The following MAPK6 variants were observed in gnomAD, a reference collection of about 807,000 sequenced individuals.
The protein encoded by MAPK6 is ERK-3.
MAPK6 carries 19 observed loss-of-function variants against 59.3 expected under a neutral mutation model. The ratio of observed to expected loss-of-function variants is 0.32; its 90% CI spans 0.22 to 0.47. The LOEUF (loss-of-function observed/expected upper bound fraction) is 0.47. Ranked by LOEUF, MAPK6 falls within the 20% of genes least tolerant of loss-of-function variation. The pLI, the probability that MAPK6 is intolerant of heterozygous loss-of-function variation, is 1.00. For synonymous variants in MAPK6, 316 were observed against 290.3 expected (o/e 1.09, Z -0.90); for missense variants, 724 against 847.9 (o/e 0.85, Z 1.81).
intron 3 of MAPK6, among the ~76,000 whole-genome samples, chr15:52,013,932 CAA>C (rs1302402496): frequency 6.6e-6 from 1 of 152,026 alleles, no homozygotes; most frequent in Non-Finnish European, 1.5e-5. Flanking sequence ...GTGTAAAATC[CAA>C]AAGTTTTGGC....
At chr15:52,005,136 A>G (rs896258354) in intron 3 of MAPK6, among the ~76,000 whole-genome samples, 2 of 152,052 alleles carry the variant, frequency 1.3e-5, no homozygotes, top group African/African-American at 4.8e-5. Flanking sequence ...AACAAACAAA[A>G]CCCCCCAAAT....
chr15:52,061,211 A>T, intron 4 of MAPK6, 88 bp from the exon 5 acceptor site: 1 of 949,204 alleles, frequency 1.1e-6, no homozygotes, highest in Non-Finnish European at 1.7e-6. Context: ...TCACTTAGCT[A>T]GTCATTGAAA....
At chr15:52,022,074 G>A (rs570804089) in intron 1 of MAPK6, among the ~76,000 whole-genome samples, 6 of 152,078 alleles carry the variant, frequency 3.9e-5, no homozygotes, top group South Asian at 4.1e-4. Flanking sequence ...CTGTAATCCC[G>A]GCACTTTGGG....
At chr15:52,015,479 ATT>A (rs563240004), upstream of MAPK6, among the ~76,000 whole-genome samples, 17 of 134,804 alleles carry the variant, frequency 1.3e-4, no homozygotes, top group East Asian at 2.2e-4. Context: ...ACAGAATGGG[ATT>A]TTTTTTTTTT....
At chr15:52,037,114 TAGTG>T (rs2031268354) in intron 1 of MAPK6, among the ~76,000 whole-genome samples, 1 of 152,044 alleles carries the variant, frequency 6.6e-6, no homozygotes, top group Middle Eastern at 3.4e-3. Flanking sequence ...CTGGGTAACA[TAGTG>T]AGACCCCATT....
chr15:52,049,766 C>CA (rs1364880398), intron 2 of MAPK6, among the ~76,000 whole-genome samples: 1 of 151,998 alleles, frequency 6.6e-6, no homozygotes, highest in Non-Finnish European at 1.5e-5. Context: ...AGGCATGCAC[C>CA]ACCACACCTG....
At chr15:52,059,011 T>A (rs1029315644) in intron 4 of MAPK6, among the ~76,000 whole-genome samples, 1 of 152,226 alleles carries the variant, frequency 6.6e-6, no homozygotes, top group Non-Finnish European at 1.5e-5. Context: ...TGAATCACTT[T>A]CCAGAGCAAG....
intron 1 of MAPK6, among the ~76,000 whole-genome samples, chr15:52,044,988 A>G (rs1379809988): frequency 1.4e-5 from 2 of 140,158 alleles, no homozygotes; most frequent in Non-Finnish European, 1.5e-5. Context: ...ACTATTTTGC[A>G]TGCATATAAC....
chr15:52,061,215 A>G, intron 4 of MAPK6, 84 bp from the exon 5 acceptor site: 1 of 1,024,448 alleles, frequency 9.8e-7, no homozygotes, highest in Admixed American at 1.8e-5. Context: ...TTAGCTAGTC[A>G]TTGAAATAAA....
intron 1 of MAPK6, among the ~76,000 whole-genome samples, chr15:52,038,866 C>T (rs961316848): frequency 6.6e-6 from 1 of 152,148 alleles, no homozygotes; most frequent in African/African-American, 2.4e-5. Flanking sequence ...CTCTCCCATT[C>T]TGAGCATACC....
chr15:52,051,830 C>A (rs965614865), intron 3 of MAPK6, among the ~76,000 whole-genome samples: 1 of 149,760 alleles, frequency 6.7e-6, no homozygotes, highest in Non-Finnish European at 1.5e-5. Context: ...GCTGGGATCG[C>A]GCCATTGCAC....
chr15:51,982,179 A>G (rs919162124), intron 1 of MAPK6, among the ~76,000 whole-genome samples: 1 of 152,182 alleles, frequency 6.6e-6, no homozygotes, highest in Admixed American at 6.6e-5. Flanking sequence ...TTTACAGCAA[A>G]ACTGCTCTGA....
chr15:52,032,706 C>T (rs995224651), intron 1 of MAPK6, among the ~76,000 whole-genome samples: 59 of 151,542 alleles, frequency 3.9e-4, no homozygotes, highest in African/African-American at 1.4e-3. Context: ...GTTTTTGACA[C>T]GGACTTTCGC....
At position 51,995,312 on chromosome 15, in the gene MAPK6, A is replaced by G. The variant is rs997284361; in HGVS notation, c.-769-8953A>G. Among the ~76,000 whole-genome samples, 6 of 152,188 alleles carry G rather than the reference A, an allele frequency of 3.9e-5. No homozygotes were observed. The South Asian group carries it at 1.2e-3, about 31-fold the overall frequency. ...AAATTATACCTTGATCAGCTGCTGGATGCAGACTGTTCCCAAAAGGGCATG... is the reference window on the plus strand; with the variant it reads ...AAATTATACCTTGATCAGCTGCTGGGTGCAGACTGTTCCCAAAAGGGCATG... On this transcript the variant is annotated intron_variant, in intron 2 of 7. Coordinates refer to the MAPK6 transcript ENST00000691380.
chr15:52,028,685 A>G (rs1242083082), intron 1 of MAPK6, among the ~76,000 whole-genome samples: 1 of 152,214 alleles, frequency 6.6e-6, no homozygotes, highest in Non-Finnish European at 1.5e-5. Flanking sequence ...AGACAACACT[A>G]TTGGACAGCA....
At chr15:52,058,416 C>T (rs566093580) in intron 3 of MAPK6, among the ~76,000 whole-genome samples, 1 of 151,974 alleles carries the variant, frequency 6.6e-6, no homozygotes, top group African/African-American at 2.4e-5. Context: ...GAGTCAGTTC[C>T]CTATGGAAAC....
At chr15:52,039,068 A>G (rs1318305840) in intron 1 of MAPK6, among the ~76,000 whole-genome samples, 1 of 152,248 alleles carries the variant, frequency 6.6e-6, no homozygotes, top group Admixed American at 6.5e-5. Flanking sequence ...GCTGAAGTGC[A>G]GTGGCACGAT....
chr15:52,064,242 C>A lies in MAPK6; in HGVS notation c.1408C>A (p.Pro470Thr). Residue 470 changes from proline to threonine, a missense_variant, in exon 6 of 6, where the codon CCC becomes ACC. Transcript: ENST00000261845. ...GAGTGAAGTTAACCATTACTATGAACCCAAGCTTATTATAGATCTTTCCAA... is the reference window on the plus strand; with the variant it reads ...GAGTGAAGTTAACCATTACTATGAAACCAAGCTTATTATAGATCTTTCCAA... ...RESEVNHYYE[P>T]KLIIDLSNWK... 1 of 1,611,150 alleles carries A rather than the reference C, an allele frequency of 6.2e-7. No individual in the cohort carries two copies. The highest frequency in any genetic ancestry group is 8.5e-7 in the Non-Finnish European group (1 of 1,179,530).
chr15:52,024,026 G>C lies in MAPK6; in HGVS notation c.-632+4650G>C, dbSNP rs113874336. On this transcript the variant is annotated intron_variant, in intron 1 of 5. Coordinates refer to ENST00000261845, the MANE Select transcript of MAPK6 (RefSeq NM_002748.4). ...CAAATACAATTTCCCATTGATTTTC[G>C]TTAAATTTGGTATTTTTTTCACAGA... Among the ~76,000 whole-genome samples the C allele has an allele frequency of 7.9e-5, 12 of 152,084 alleles. 1 individual carries two copies. The highest frequency in any genetic ancestry group is 7.2e-4 in the Admixed American group (11 of 15,276).
Sources: allele counts gnomAD v4.1 joint callset (sites outside exome capture counted in the v4.1 genomes callset), GRCh38; gene constraint gnomAD v4.1.1; transcripts MANE v1.5; gene names NCBI Gene and HGNC (gene_info 2026-07-23, HGNC 2026-07-21).